ITPRID1: variants seen among roughly 807,000 people sequenced by gnomAD.
The protein encoded by ITPRID1 is protein ITPRID1.
A neutral mutation model predicts 95.4 loss-of-function variants in ITPRID1; 96 were observed. That is an observed-to-expected ratio of 1.01 (90% CI 0.85 to 1.19). The LOEUF (loss-of-function observed/expected upper bound fraction) is 1.19, where lower values mean the gene tolerates loss of function less well. Among genes scored for constraint, ITPRID1 ranks in the 50% most tolerant of loss-of-function variants. The pLI, the probability that ITPRID1 is intolerant of heterozygous loss-of-function variation, is 0.00. For synonymous variants in ITPRID1, 510 were observed against 453.6 expected, an observed-to-expected ratio of 1.12 and a Z score of -1.58; for missense variants, 1,339 against 1,252.9, an observed-to-expected ratio of 1.07 and a Z score of -1.04.
At chr7:31,527,687 A>C (rs1404778528) in intron 1 of ITPRID1, among the ~76,000 whole-genome samples, 1 of 152,164 alleles carries the variant, frequency 6.6e-6, no homozygotes, top group Non-Finnish European at 1.5e-5. Context: ...AGCTGGACTG[A>C]GCACCTTACC....
At chr7:31,648,076 A>G (rs1790643653) in intron 12 of ITPRID1, among the ~76,000 whole-genome samples, 1 of 152,198 alleles carries the variant, frequency 6.6e-6, no homozygotes, top group South Asian at 2.1e-4. Context: ...TCCAGAAAAG[A>G]AAATGAGATC....
chr7:31,628,615 G>A (rs747238390), intron 10 of ITPRID1, among the ~76,000 whole-genome samples: 17 of 151,932 alleles, frequency 1.1e-4, no homozygotes, highest in South Asian at 2.1e-4. Flanking sequence ...CCGCCACCAC[G>A]CCCCGCTAAT....
At chr7:31,550,352 G>A (rs1784243949) in intron 2 of ITPRID1, among the ~76,000 whole-genome samples, 1 of 152,104 alleles carries the variant, frequency 6.6e-6, no homozygotes, top group Non-Finnish European at 1.5e-5. Context: ...GGCATGGAAT[G>A]ACATGATCCA....
intron 10 of ITPRID1, among the ~76,000 whole-genome samples, chr7:31,599,988 G>T (rs573981342): frequency 6.6e-6 from 1 of 151,940 alleles, no homozygotes; most frequent in African/African-American, 2.4e-5. Flanking sequence ...GTGAGCCACC[G>T]CACCCAGCCA....
intron 10 of ITPRID1, among the ~76,000 whole-genome samples, chr7:31,599,495 C>T (rs1786252403): frequency 1.3e-5 from 2 of 151,992 alleles, no homozygotes; most frequent in African/African-American, 2.4e-5. Context: ...CTATGTTTCC[C>T]CTTTTAAAAA....
At chr7:31,658,285 G>A, downstream of ITPRID1, 2 of 1,504,206 alleles carry the variant, frequency 1.3e-6, no homozygotes, top group Non-Finnish European at 8.8e-7. Context: ...ATTATTGTCT[G>A]CAGAGCTGGA....
intron 4 of ITPRID1, 46 bp downstream of exon 4, chr7:31,554,569 G>T: frequency 6.2e-7 from 1 of 1,606,624 alleles, no homozygotes; most frequent in South Asian, 1.1e-5. Context: ...CTCTTGCAAA[G>T]ATCCATGAAA....
At chr7:31,599,645 C>G (rs868418765) in intron 10 of ITPRID1, among the ~76,000 whole-genome samples, 1 of 44,786 alleles carries the variant, frequency 2.2e-5, no homozygotes, top group African/African-American at 6.7e-5. Context: ...TTCTTTCTTT[C>G]TTTTTCTTTC....
chr7:31,607,136 G>T (rs769496209), intron 10 of ITPRID1, among the ~76,000 whole-genome samples: 2 of 152,084 alleles, frequency 1.3e-5, no homozygotes, highest in Non-Finnish European at 2.9e-5. Flanking sequence ...TAGATTCAAA[G>T]AATGTATAAT....
In ITPRID1 at chr7:31,642,193, G is replaced by A. The variant is rs1054004647; in HGVS notation, c.1246G>A (p.Ala416Thr). The change falls in exon 11 of 15, where the codon GCA becomes ACA. Residue 416 changes from alanine to threonine, a missense_variant. Coordinates refer to ENST00000615280, the MANE Select transcript of ITPRID1 (RefSeq NM_001257967.3). The stretch of plus-strand genomic sequence containing the variant: ...TTCTGCAGGTGCCAGGGTGGACAGA[G>A]CAAATAGCTGCCAGTCTGACAGCAG... ...SGTVGARVDR[A>T]NSCQSDSSGF... 1.2e-5 allele frequency: 18 copies of A among 1,560,642 alleles called. No homozygotes were observed. The highest frequency in any genetic ancestry group is 2.4e-5 in the South Asian group (2 of 84,462).
chr7:31,547,847 C>T lies in ITPRID1; in HGVS notation c.-97-1579C>T, dbSNP rs117497443. Among the ~76,000 whole-genome samples, 3 of 152,144 alleles carry T rather than the reference C, an allele frequency of 2.0e-5. No homozygotes were observed. The East Asian group carries it at 5.8e-4, about 29-fold the overall frequency. Reference sequence around the variant, plus strand: ...CAGTGTGGCACAAAATGTGTATAGACATTCAAGTGGAAATGTTAAGTAAGT... The same window carrying T: ...CAGTGTGGCACAAAATGTGTATAGATATTCAAGTGGAAATGTTAAGTAAGT... On this transcript the variant is annotated intron_variant, in intron 1 of 14. Coordinates refer to ENST00000615280, the MANE Select transcript of ITPRID1 (RefSeq NM_001257967.3).
chr7:31,554,481 C>G lies in ITPRID1; in HGVS notation c.170C>G (p.Ser57Cys), dbSNP rs747611396. The G allele has an allele frequency of 8.1e-6, 13 of 1,612,498 alleles. No individual in the cohort carries two copies. The East Asian group carries it at 2.9e-4, about 36-fold the overall frequency. Residue 57 changes from serine to cysteine, a missense_variant, in exon 4 of 15, where the codon TCC (serine) becomes TGC (cysteine). Physicochemically the swap from Ser to Cys is moderately radical, Grantham distance 112. Coordinates refer to ENST00000615280, the MANE Select transcript of ITPRID1 (RefSeq NM_001257967.3). The stretch of plus-strand genomic sequence containing the variant: ...TGTTCTTTCTTACTTGTAGAAGATT[C>G]CAAGCAAGAAAGTATTCAGCAGTGG... ...QSLTIPMLED[S>C]KQESIQQWLD...
chr7:31,631,448 C>T (rs1009087518), intron 10 of ITPRID1, among the ~76,000 whole-genome samples: 4 of 152,116 alleles, frequency 2.6e-5, no homozygotes, highest in African/African-American at 9.7e-5. Context: ...AGATTTTAGT[C>T]ATTTTCTTAC....
rs73686904 is a variant in ITPRID1, at chr7:31,642,114, T to C, written c.1229-62T>C. Reference sequence around the variant, plus strand: ...TGTGTCAGGCACCTAGAGGGGTTGATCCAAGTCCTGCTGGCTGCGTGTTTT... The same window carrying C: ...TGTGTCAGGCACCTAGAGGGGTTGACCCAAGTCCTGCTGGCTGCGTGTTTT... On this transcript the variant is annotated intron_variant, in intron 10 of 14. Coordinates refer to ENST00000615280, the MANE Select transcript of ITPRID1 (RefSeq NM_001257967.3). 0.01 allele frequency: 13,140 copies of C among 1,261,442 alleles called. 848 individuals are homozygous for C. In the African/African-American group the frequency reaches 0.15, roughly 15 times the overall value. 78.1% of individuals were successfully genotyped at this position (1,261,442 alleles called of 1,614,324 possible). A position where few individuals can be genotyped will look rare whatever the true frequency, so the allele number is the denominator to read the frequency against.
intron 10 of ITPRID1, among the ~76,000 whole-genome samples, chr7:31,629,280 A>G (rs1788781853): frequency 4.5e-5 from 1 of 22,076 alleles, no homozygotes; most frequent in Admixed American, 7.3e-4. Context: ...TGTTTAAACA[A>G]CACAATCTTT....
chr7:31,542,461 T>C (rs1052560730), intron 1 of ITPRID1, among the ~76,000 whole-genome samples: 1 of 152,184 alleles, frequency 6.6e-6, no homozygotes, highest in African/African-American at 2.4e-5. Context: ...AAACAACCAA[T>C]TAATTTACTT....
At chr7:31,547,943 T>C (rs1477603802) in intron 1 of ITPRID1, among the ~76,000 whole-genome samples, 2 of 152,096 alleles carry the variant, frequency 1.3e-5, no homozygotes, top group Non-Finnish European at 2.9e-5. Flanking sequence ...GGAATCATCA[T>C]TGGTTTCATA....
intron 10 of ITPRID1, among the ~76,000 whole-genome samples, chr7:31,590,973 C>G (rs1453025619): frequency 6.6e-6 from 1 of 152,180 alleles, no homozygotes; most frequent in Non-Finnish European, 1.5e-5. Context: ...GTTTCAAATT[C>G]AGCCTGTCTA....
At chr7:31,648,549 C>T (rs953061423) in intron 12 of ITPRID1, among the ~76,000 whole-genome samples, 3 of 152,184 alleles carry the variant, frequency 2.0e-5, no homozygotes, top group Non-Finnish European at 4.4e-5. Context: ...AACACTCCAT[C>T]AGTTATTCCC....
Sources: allele counts gnomAD v4.1 joint callset (sites outside exome capture counted in the v4.1 genomes callset), GRCh38; gene constraint gnomAD v4.1.1; transcripts MANE v1.5; gene names NCBI Gene and HGNC (gene_info 2026-07-23, HGNC 2026-07-21).